Variants in BMP2K observed in about 807,000 individuals in gnomAD.
BMP2K encodes the protein BMP-2-inducible protein kinase.
Under a neutral mutation model 116.0 loss-of-function variants are expected in BMP2K, and 74 were observed. That is an observed-to-expected ratio of 0.64 (90% CI 0.53 to 0.77). BMP2K has a LOEUF of 0.77. Ranked by LOEUF, BMP2K falls within the 30% of genes least tolerant of loss-of-function variation. BMP2K has a pLI of 0.00. For missense variants in BMP2K, 1,365 were observed against 1,403.6 expected (o/e 0.97, Z 0.44); for synonymous variants, 486 against 502.5 (o/e 0.97, Z 0.44).
In BMP2K at chr4:78,779,111, T is replaced by C. The variant is rs140690738; in HGVS notation, c.178+2390T>C. Reference sequence around the variant, plus strand: ...CTGTTGTTATTTTTATATAATTAGTTATGTTGCAAAAAGTCACCGTGAAAA... The same window carrying C: ...CTGTTGTTATTTTTATATAATTAGTCATGTTGCAAAAAGTCACCGTGAAAA... On this transcript the variant is annotated intron_variant, in intron 1 of 15. Coordinates refer to ENST00000502613, the MANE Select transcript of BMP2K (RefSeq NM_198892.2). Among the ~76,000 whole-genome samples, 393 of 152,330 alleles carry C rather than the reference T, an allele frequency of 2.6e-3. 1 individual carries two copies. The highest frequency in any genetic ancestry group is 4.4e-3 in the Non-Finnish European group (301 of 68,030).
chr4:78,834,219 A>G (rs1280216481), intron 3 of BMP2K, among the ~76,000 whole-genome samples: 2 of 151,802 alleles, frequency 1.3e-5, no homozygotes, highest in Non-Finnish European at 2.9e-5. Context: ...TGTATAGCAT[A>G]CCTTAATCAT....
intron 1 of BMP2K, among the ~76,000 whole-genome samples, chr4:78,788,635 T>C (rs1442765017): frequency 2.0e-5 from 3 of 152,078 alleles, no homozygotes; most frequent in Admixed American, 6.6e-5. Flanking sequence ...GTAGCTGTTA[T>C]GGGTTTTATA....
chr4:78,822,156 C>T (rs1729649337), intron 1 of BMP2K, among the ~76,000 whole-genome samples: 1 of 152,096 alleles, frequency 6.6e-6, no homozygotes, highest in South Asian at 2.1e-4. Flanking sequence ...TGGGCTGGCA[C>T]TTGAGATTAG....
chr4:78,871,007 CAG>C lies in BMP2K; in HGVS notation c.1457_1458del (p.Gln486ProfsTer77). On this transcript the variant is annotated frameshift_variant, in exon 11 of 16. Coordinates refer to ENST00000502613, the MANE Select transcript of BMP2K (RefSeq NM_198892.2). LOFTEE classifies it high-confidence loss of function. Reference sequence around the variant, plus strand: ...ACAGCAGCAGCAGCAGCAGCAGCAGCAGCACCACCACCACCACCACCACCACC... The same window carrying C: ...ACAGCAGCAGCAGCAGCAGCAGCAGCCACCACCACCACCACCACCACCACC... ...QQQQQQQQQQQHHHHHHHHLL... is the reference protein window; with the variant it reads ...QQQQQQQQQQXHHHHHHHHLL... The C allele has an allele frequency of 1.9e-6, 3 of 1,573,412 alleles. No homozygotes were observed. Among genetic ancestry groups the C allele is most frequent in the African/African-American group, 1.4e-5 (1 of 73,914 alleles).
chr4:78,831,621 A>T (rs564266484), intron 2 of BMP2K, among the ~76,000 whole-genome samples: 4 of 152,248 alleles, frequency 2.6e-5, no homozygotes, highest in Middle Eastern at 3.4e-3. Context: ...TTCACTTTTA[A>T]TATCATGCTC....
intron 13 of BMP2K, among the ~76,000 whole-genome samples, chr4:78,873,386 G>T (rs569538978): frequency 6.6e-6 from 1 of 152,252 alleles, no homozygotes; most frequent in South Asian, 2.1e-4. Flanking sequence ...AAAATGGCAC[G>T]TGCTTTAGCA....
intron 14 of BMP2K, among the ~76,000 whole-genome samples, chr4:78,884,416 A>T (rs770794985): frequency 1.3e-5 from 2 of 152,220 alleles, no homozygotes; most frequent in Non-Finnish European, 2.9e-5. Context: ...GACCTAATGA[A>T]TCAAGTCTAC....
At chr4:78,830,850 A>G (rs547344350) in intron 2 of BMP2K, among the ~76,000 whole-genome samples, 1 of 152,296 alleles carries the variant, frequency 6.6e-6, no homozygotes, top group East Asian at 1.9e-4. Context: ...GGTTGGCTTG[A>G]TCTGTCTAGA....
intron 7 of BMP2K, among the ~76,000 whole-genome samples, chr4:78,851,751 A>C (rs1577926421): frequency 6.6e-6 from 1 of 152,162 alleles, no homozygotes; most frequent in East Asian, 1.9e-4. Flanking sequence ...ATTGCAGATA[A>C]ATCAAAGATT....
chr4:78,894,616 T>G (rs866807021), intron 15 of BMP2K, among the ~76,000 whole-genome samples: 58 of 152,368 alleles, frequency 3.8e-4, no homozygotes, highest in African/African-American at 1.3e-3. Context: ...GTCCAGACCA[T>G]TAAAATTTTC....
chr4:78,871,971 A>T, intron 12 of BMP2K, 23 bp downstream of exon 12: 1 of 1,508,488 alleles, frequency 6.6e-7, no homozygotes, highest in South Asian at 1.2e-5. Flanking sequence ...ATTTCTAGAG[A>T]TTTCTCTGAG....
At chr4:78,805,433 A>G (rs188070780) in intron 1 of BMP2K, among the ~76,000 whole-genome samples, 57 of 152,286 alleles carry the variant, frequency 3.7e-4, no homozygotes, top group African/African-American at 1.3e-3. Flanking sequence ...GAGTTTGTTC[A>G]GTTCTGAAAG....
rs567439469 is a variant in BMP2K, at chr4:78,861,479, CTA to C, written c.1067+13_1067+14del. Reference sequence around the variant, plus strand: ...CCAAATAAAAGCCAGGTAGGCAAAACTATGCTGAAATTGAAAAGGCATTAAAA... The same window carrying C: ...CCAAATAAAAGCCAGGTAGGCAAAACTGCTGAAATTGAAAAGGCATTAAAA... On this transcript the variant is annotated intron_variant, in intron 9 of 15. Transcript: ENST00000502613. The C allele has an allele frequency of 3.3e-3, 5,189 of 1,594,160 alleles. 14 individuals carry two copies. The highest frequency in any genetic ancestry group is 3.7e-3 in the Non-Finnish European group (4,335 of 1,165,762).
chr4:78,784,441 G>T (rs1050410635), intron 1 of BMP2K, among the ~76,000 whole-genome samples: 12 of 152,336 alleles, frequency 7.9e-5, no homozygotes, highest in Non-Finnish European at 1.3e-4. Flanking sequence ...TTGGGAAGTT[G>T]AGTGGTTAAT....
chr4:78,855,950 T>C (rs3775513), intron 7 of BMP2K, among the ~76,000 whole-genome samples: 26,226 of 152,096 alleles, frequency 0.17, 4,618 homozygotes, highest in African/African-American at 0.45. Context: ...CGTATTCTAG[T>C]TTCTCTGCCT....
At chr4:78,852,115 T>C (rs972473311) in intron 7 of BMP2K, among the ~76,000 whole-genome samples, 2 of 152,062 alleles carry the variant, frequency 1.3e-5, no homozygotes, top group African/African-American at 4.8e-5. Flanking sequence ...CTTACAGTAG[T>C]AGGATCTTAT....
chr4:78,858,418 A>G (rs780169575), intron 7 of BMP2K, among the ~76,000 whole-genome samples: 17 of 151,954 alleles, frequency 1.1e-4, no homozygotes, highest in Non-Finnish European at 1.0e-4. Flanking sequence ...ATTATAAAAA[A>G]CATCCATTTT....
chr4:78,847,165 C>G (rs1158134959), intron 5 of BMP2K, 23 bp from the exon 6 acceptor site: 1 of 1,354,738 alleles, frequency 7.4e-7, no homozygotes, highest in Non-Finnish European at 9.9e-7. Flanking sequence ...TATCTCCACT[C>G]CATTTCACTC....
rs2110109557 is a variant in BMP2K at position 78,910,706 on chromosome 4, A to G, written c.2159A>G (p.Asp720Gly). 6.2e-7 allele frequency: 1 copy of G among 1,613,142 alleles called. No homozygotes were observed. Among genetic ancestry groups the G allele is most frequent in the South Asian group, 1.1e-5 (1 of 90,772 alleles). The change falls in exon 16 of 16, where the codon GAT (aspartate) becomes GGT (glycine). Residue 720 changes from aspartate to glycine, a missense_variant. Asp to Gly is a moderately conservative substitution (Grantham distance 94, BLOSUM62 -1). Coordinates refer to ENST00000502613, the MANE Select transcript of BMP2K (RefSeq NM_198892.2). ...GGTAAAACAAGTCCAGCATCTAAAG[A>G]TCAGCGGACTGGAAAGAAAACCTCA... Reference protein sequence around the residue: ...KNGKTSPASKDQRTGKKTSVQ... With the variant: ...KNGKTSPASKGQRTGKKTSVQ...
Sources: allele counts gnomAD v4.1 joint callset (sites outside exome capture counted in the v4.1 genomes callset), GRCh38; gene constraint gnomAD v4.1.1; transcripts MANE v1.5; gene names NCBI Gene and HGNC (gene_info 2026-07-23, HGNC 2026-07-21).